Variants in SYDE2 observed in about 807,000 individuals in gnomAD.
The protein encoded by SYDE2 is rho GTPase-activating protein SYDE2.
A neutral mutation model predicts 91.5 loss-of-function variants in SYDE2; 76 were observed. The ratio of observed to expected loss-of-function variants is 0.83; its 90% CI spans 0.69 to 1.01. The LOEUF is 1.01. Ranked by LOEUF, SYDE2 falls within the 50% of genes least tolerant of loss-of-function variation. The probability of loss-of-function intolerance (pLI) is 0.00; values close to 1 mark genes in which losing one functional copy is unlikely to be tolerated. For missense variants in SYDE2, 1,364 were observed against 1,367.7 expected, an observed-to-expected ratio of 1.00 and a Z score of 0.04; for synonymous variants, 513 against 506.4, an observed-to-expected ratio of 1.01 and a Z score of -0.18.
Position 85,169,107 on chromosome 1 carries a change from C to G in SYDE2, c.2790G>C (p.Glu930Asp). Residue 930 changes from glutamate to aspartate, a missense_variant, in exon 5 of 7, where the codon GAG becomes GAC. Coordinates refer to ENST00000341460, the MANE Select transcript of SYDE2 (RefSeq NM_032184.2). ...SPLKMSSNGC[E>D]NDPGDSKYTV... ...TGTACTTAGAGTCACCTGGGTCATT[C>G]TCACAACCATTTGATGACATTTTCA... The G allele has an allele frequency of 5.6e-6, 9 of 1,613,904 alleles. No homozygotes were observed. The highest frequency in any genetic ancestry group is 7.6e-6 in the Non-Finnish European group (9 of 1,179,816).
intron 1 of SYDE2, among the ~76,000 whole-genome samples, chr1:85,199,823 T>C (rs1238266703): frequency 2.6e-5 from 4 of 151,962 alleles, no homozygotes; most frequent in Non-Finnish European, 5.9e-5. Context: ...ATGAAGCCTA[T>C]AAAATCTACC....
At chr1:85,167,234 GA>G (rs933067669) in intron 5 of SYDE2, among the ~76,000 whole-genome samples, 12 of 137,870 alleles carry the variant, frequency 8.7e-5, no homozygotes, top group South Asian at 2.3e-4. Flanking sequence ...AAAAAAACCA[GA>G]AAAAAAAAGA....
Position 85,158,674 on chromosome 1 carries a change from C to T in SYDE2, c.*76G>A, listed in dbSNP as rs528424782. On this transcript the variant is annotated 3_prime_UTR_variant, in exon 7 of 7. Transcript: ENST00000341460. Reference sequence around the variant, plus strand: ...TTCAAGAGTAAAAAAATGAAAACATCGCTGTGGGTGGTATAAGAAAATAAA... The same window carrying T: ...TTCAAGAGTAAAAAAATGAAAACATTGCTGTGGGTGGTATAAGAAAATAAA... 6 of 582,560 alleles carry T rather than the reference C, an allele frequency of 1.0e-5. No homozygotes were observed. The highest frequency in any genetic ancestry group is 5.9e-5 in the African/African-American group (3 of 51,274). 36.1% of individuals were successfully genotyped at this position (582,560 alleles called of 1,614,324 possible).
downstream of SYDE2, chr1:85,154,226 T>G (rs1163162623): frequency 2.0e-5 from 3 of 151,306 alleles, no homozygotes; most frequent in Non-Finnish European, 2.9e-5. Context: ...TATAAAATCT[T>G]AACCATCAAA....
chr1:85,198,293 T>C (rs891306665), intron 1 of SYDE2, among the ~76,000 whole-genome samples: 3 of 152,266 alleles, frequency 2.0e-5, no homozygotes, highest in East Asian at 3.9e-4. Context: ...CATATCTCCA[T>C]TTTGGGGGCT....
downstream of SYDE2, among the ~76,000 whole-genome samples, chr1:85,155,053 GA>G (rs1338596459): frequency 1.7e-5 from 2 of 116,746 alleles, no homozygotes; most frequent in Non-Finnish European, 3.8e-5. Context: ...AGAAAAGAAA[GA>G]AAAGAAAGAA....
intron 4 of SYDE2, among the ~76,000 whole-genome samples, chr1:85,175,758 C>T (rs975524345): frequency 1.3e-5 from 2 of 152,190 alleles, no homozygotes; most frequent in Non-Finnish European, 2.9e-5. Context: ...CACTGGCTAA[C>T]TCCTCAAATC....
Position 85,182,850 on chromosome 1 carries a change from C to T in SYDE2, c.1792G>A (p.Val598Ile). The change falls in exon 3 of 7, where the codon GTA (valine) becomes ATA (isoleucine). Residue 598 changes from valine to isoleucine, a missense_variant. Transcript: ENST00000341460. The stretch of plus-strand genomic sequence containing the variant: ...TTCTGGTAGCTCTGCTGGGAGGATA[C>T]ACTGGTATCAAGATGGTATCGGCTT... The part of the protein sequence containing the change: ...VISRYHLDTS[V>I]SSQQSYQKKN... 1.9e-6 allele frequency: 3 copies of T among 1,613,722 alleles called. No individual in the cohort carries two copies. Among genetic ancestry groups the T allele is most frequent in the East Asian group, 2.2e-5 (1 of 44,870 alleles).
Position 85,178,271 on chromosome 1 carries a change from A to C in SYDE2, c.2546T>G (p.Val849Gly). 6.4e-7 allele frequency: 1 copy of C among 1,565,090 alleles called. No individual in the cohort carries two copies. The highest frequency in any genetic ancestry group is 8.7e-7 in the Non-Finnish European group (1 of 1,155,830). The change falls in exon 4 of 7, where the codon GTA becomes GGA. Residue 849 changes from valine (V) to glycine (G), a missense_variant and splice_region_variant. Val to Gly is a moderately radical substitution (Grantham distance 109). Transcript: ENST00000341460. Reference sequence around the variant, plus strand: ...ACCACATAATCGATACAGGCCTACTACCTAGGAATAAAATTATGGCCACAT... The same window carrying C: ...ACCACATAATCGATACAGGCCTACTCCCTAGGAATAAAATTATGGCCACAT... ...IMEIEKRGCQ[V>G]VGLYRLCGSA...
rs762095487 is a variant in SYDE2, at chr1:85,190,185, T to C, written c.1313A>G (p.Asn438Ser). Residue 438 changes from asparagine (N) to serine (S), a missense_variant, in exon 2 of 7, where the codon AAT becomes AGT. Asn to Ser is a conservative substitution (Grantham distance 46). Transcript: ENST00000341460. ...GGCAGGATGTATAGGATTCATTCCA[T>C]TTGACCGTGTGGTCTGAATATCACC... Reference protein sequence around the residue: ...HAGDIQTTRSNGMNPIHPAHS... With the variant: ...HAGDIQTTRSSGMNPIHPAHS... The C allele has an allele frequency of 5.6e-6, 9 of 1,614,014 alleles. 1 individual carries two copies. The South Asian group carries it at 8.8e-5, about 16-fold the overall frequency.
downstream of SYDE2, among the ~76,000 whole-genome samples, chr1:85,155,009 C>CAAAAAAAAAAAAAAAAAAAAAAAAAA: frequency 8.7e-5 from 7 of 80,666 alleles, no homozygotes; most frequent in Non-Finnish European, 1.4e-4. Flanking sequence ...AAGAATGCAG[C>CAAAAAAAAAAAAAAAAAAAAAAAAAA]AAAAAAAAAA....
chr1:85,186,284 T>G (rs889587410), intron 2 of SYDE2, among the ~76,000 whole-genome samples: 2 of 152,174 alleles, frequency 1.3e-5, no homozygotes, highest in African/African-American at 4.8e-5. Flanking sequence ...CTGCCTGGCT[T>G]TGGTATCAGG....
At chr1:85,189,149 T>A (rs778689073) in intron 2 of SYDE2, among the ~76,000 whole-genome samples, 1 of 152,208 alleles carries the variant, frequency 6.6e-6, no homozygotes, top group Non-Finnish European at 1.5e-5. Flanking sequence ...TACATAAAAC[T>A]TCAATTATTT....
intron 1 of SYDE2, among the ~76,000 whole-genome samples, chr1:85,191,859 T>C (rs114209172): frequency 0.021 from 3,226 of 152,196 alleles, 98 homozygotes; most frequent in African/African-American, 0.074. Context: ...ATACATAACA[T>C]TAATTTCATC....
rs141296759 is a variant in SYDE2, at chr1:85,195,068, G to C, written c.746-4316C>G. Among the ~76,000 whole-genome samples, 257 of 152,058 alleles carry C rather than the reference G, an allele frequency of 1.7e-3. 5 individuals carry two copies. In the East Asian group the frequency reaches 0.033, roughly 19 times the overall value. ...CCAGCTACTCGGGAGGCTGAGGCAG[G>C]AGAATGGCGTGAACCCGCGAGGCAG... On this transcript the variant is annotated intron_variant, in intron 1 of 6. Coordinates refer to ENST00000341460, the MANE Select transcript of SYDE2 (RefSeq NM_032184.2).
intron 6 of SYDE2, among the ~76,000 whole-genome samples, chr1:85,161,821 G>A (rs144722100): frequency 1.5e-3 from 232 of 152,062 alleles, no homozygotes; most frequent in Middle Eastern, 3.5e-3. Flanking sequence ...AGTGATAGGG[G>A]GGCCAGGAGT....
chr1:85,174,517 C>T (rs1354669798), intron 4 of SYDE2, among the ~76,000 whole-genome samples: 1 of 152,186 alleles, frequency 6.6e-6, no homozygotes, highest in Non-Finnish European at 1.5e-5. Context: ...GAATCATTCT[C>T]TCACATACAA....
intron 5 of SYDE2, among the ~76,000 whole-genome samples, chr1:85,165,272 A>G (rs1164893538): frequency 6.6e-6 from 1 of 152,184 alleles, no homozygotes; most frequent in South Asian, 2.1e-4. Context: ...TAATCCATTA[A>G]ATGGTTAAAA....
chr1:85,170,666 A>G (rs932433311), intron 4 of SYDE2, among the ~76,000 whole-genome samples: 5 of 152,216 alleles, frequency 3.3e-5, no homozygotes, highest in African/African-American at 9.6e-5. Flanking sequence ...GAAATCAGAA[A>G]TAAGAAACCT....
Sources: gnomAD v4.1 joint callset for allele counts (sites outside exome capture counted in the v4.1 genomes callset) on GRCh38, gnomAD v4.1.1 for gene constraint, MANE v1.5 for transcripts, NCBI Gene and HGNC (gene_info 2026-07-23, HGNC 2026-07-21) for gene names.